Variants in STARD13 observed in about 807,000 individuals in gnomAD.
STARD13 encodes StAR related lipid transfer domain containing 13.
Under a neutral mutation model 106.4 loss-of-function variants are expected in STARD13, and 62 were observed. That is an observed-to-expected ratio of 0.58 (90% confidence interval 0.48 to 0.72). STARD13 has a LOEUF of 0.72. Ranked by LOEUF, STARD13 falls within the 30% of genes least tolerant of loss-of-function variation. The pLI, the probability that STARD13 is intolerant of heterozygous loss-of-function variation, is 0.00. For missense variants in STARD13, 1,387 were observed against 1,424.0 expected, an observed-to-expected ratio of 0.97 and a Z score of 0.42; for synonymous variants, 565 against 553.0, an observed-to-expected ratio of 1.02 and a Z score of -0.31.
chr13:33,354,640 A>G (rs1481341725), upstream of STARD13, among the ~76,000 whole-genome samples: 1 of 152,198 alleles, frequency 6.6e-6, no homozygotes, highest in African/African-American at 2.4e-5. Context: ...GACTATTCCT[A>G]TAGTTTTAAA....
At chr13:33,304,626 C>T (rs754779352) in intron 1 of STARD13, among the ~76,000 whole-genome samples, 2 of 152,064 alleles carry the variant, frequency 1.3e-5, no homozygotes, top group Non-Finnish European at 1.5e-5. Flanking sequence ...TAATGTCCTC[C>T]CTGATAGCCA....
chr13:33,526,915 C>T, the STARD13 span, among the ~76,000 whole-genome samples: 22 of 151,998 alleles, frequency 1.4e-4, no homozygotes, highest in African/African-American at 3.6e-4. Flanking sequence ...GATCATGTGA[C>T]GTGAATTTTA....
At chr13:33,659,727 TG>T in the STARD13 span, 2 of 152,172 alleles carry the variant, frequency 1.3e-5, no homozygotes, top group Non-Finnish European at 2.9e-5. Flanking sequence ...GCTCATATTT[TG>T]GGGGAAACCT....
chr13:33,527,735 T>C, the STARD13 span, among the ~76,000 whole-genome samples: 1 of 151,778 alleles, frequency 6.6e-6, no homozygotes, highest in African/African-American at 2.4e-5. Context: ...CTGAAATAAT[T>C]ATACAAATTT....
chr13:33,406,452 CAG>C, the STARD13 span, among the ~76,000 whole-genome samples: 1 of 152,290 alleles, frequency 6.6e-6, no homozygotes, highest in East Asian at 1.9e-4. Context: ...AGGAGAAATA[CAG>C]AGTTAGGTTC....
chr13:33,363,654 G>A, the STARD13 span, among the ~76,000 whole-genome samples: 2 of 152,186 alleles, frequency 1.3e-5, no homozygotes, highest in African/African-American at 4.8e-5. Flanking sequence ...GCCTTTGCAC[G>A]TGTTCTTCTG....
the STARD13 span, among the ~76,000 whole-genome samples, chr13:33,367,176 G>T: frequency 6.6e-6 from 1 of 152,166 alleles, no homozygotes; most frequent in African/African-American, 2.4e-5. Context: ...TTTTTATCAG[G>T]TCAGAGATGA....
chr13:33,634,427 G>A, the STARD13 span, among the ~76,000 whole-genome samples: 5 of 152,242 alleles, frequency 3.3e-5, no homozygotes, highest in East Asian at 1.9e-4. Context: ...CTTTGGAACC[G>A]TTTCTAAACC....
At chr13:33,552,558 T>A in the STARD13 span, among the ~76,000 whole-genome samples, 1 of 152,216 alleles carries the variant, frequency 6.6e-6, no homozygotes, top group Non-Finnish European at 1.5e-5. Flanking sequence ...CTAAAAATAA[T>A]CATTGAATTA....
chr13:33,416,505 T>G, the STARD13 span, among the ~76,000 whole-genome samples: 1 of 152,188 alleles, frequency 6.6e-6, no homozygotes, highest in South Asian at 2.1e-4. Context: ...AGTCTGTAGT[T>G]TCTGATGGAC....
chr13:33,273,395 T>G (rs1473773943), intron 1 of STARD13, among the ~76,000 whole-genome samples: 1 of 152,244 alleles, frequency 6.6e-6, no homozygotes, highest in Non-Finnish European at 1.5e-5. Context: ...GATTAACATG[T>G]AACTTATGAT....
intron 1 of STARD13, among the ~76,000 whole-genome samples, chr13:33,187,131 C>T (rs1885838921): frequency 6.6e-6 from 1 of 152,202 alleles, no homozygotes; most frequent in Non-Finnish European, 1.5e-5. Flanking sequence ...ACTTCCTGTC[C>T]TCTAACCTTG....
At chr13:33,362,864 C>A in the STARD13 span, among the ~76,000 whole-genome samples, 141,099 of 152,270 alleles carry the variant, frequency 0.93, 66,305 homozygotes, top group East Asian at 1. Context: ...CTTTCTTTCC[C>A]GAAACTGATT....
At chr13:33,241,592 C>T (rs1317573771) in intron 1 of STARD13, among the ~76,000 whole-genome samples, 1 of 148,846 alleles carries the variant, frequency 6.7e-6, no homozygotes, top group African/African-American at 2.5e-5. Flanking sequence ...TGATGCCGAG[C>T]CGAGGCTGGA....
chr13:33,269,672 C>CTT (rs1891064381), intron 1 of STARD13, among the ~76,000 whole-genome samples: 2 of 152,152 alleles, frequency 1.3e-5, no homozygotes, highest in African/African-American at 4.8e-5. Context: ...GTACCTTTCA[C>CTT]TTTAAAAGGT....
chr13:33,381,517 A>G, the STARD13 span, among the ~76,000 whole-genome samples: 1 of 152,154 alleles, frequency 6.6e-6, no homozygotes, highest in Non-Finnish European at 1.5e-5. Flanking sequence ...AGGTGGGCTG[A>G]CCATTTGAGG....
chr13:33,163,211 C>T (rs564799600), intron 3 of STARD13, among the ~76,000 whole-genome samples: 4 of 152,134 alleles, frequency 2.6e-5, no homozygotes, highest in African/African-American at 9.6e-5. Flanking sequence ...CTCACTGGGT[C>T]CCTCCCATAA....
At chr13:33,140,448 G>A (rs1381985847) in intron 4 of STARD13, among the ~76,000 whole-genome samples, 1 of 152,234 alleles carries the variant, frequency 6.6e-6, no homozygotes, top group Non-Finnish European at 1.5e-5. Flanking sequence ...TCAGACAGCT[G>A]TTGGGAGGTT....
chr13:33,247,336 C>CT (rs1337370877), intron 1 of STARD13, among the ~76,000 whole-genome samples: 1 of 152,122 alleles, frequency 6.6e-6, no homozygotes, highest in African/African-American at 2.4e-5. Context: ...GAGGGACACT[C>CT]TGAGTGGGGA....
Sources: allele counts gnomAD v4.1 joint callset (sites outside exome capture counted in the v4.1 genomes callset), GRCh38; gene constraint gnomAD v4.1.1; transcripts MANE v1.5; gene names NCBI Gene and HGNC (gene_info 2026-07-23, HGNC 2026-07-21).